The following GRAMD1A variants were observed in gnomAD, a reference collection of about 807,000 sequenced individuals.
GRAMD1A encodes GRAM domain containing 1A.
GRAMD1A carries 50 observed loss-of-function variants against 92.0 expected under a neutral mutation model. That is an observed-to-expected ratio of 0.54 (90% CI 0.43 to 0.69). GRAMD1A has a LOEUF of 0.69. GRAMD1A is among the 30% of genes least tolerant of loss of function. The pLI, the probability that GRAMD1A is intolerant of heterozygous loss-of-function variation, is 0.00. For synonymous variants in GRAMD1A, 405 were observed against 403.6 expected (o/e 1.00, Z -0.04); for missense variants, 819 against 978.9 (o/e 0.84, Z 2.18).
chr19:35,023,174 T>G (rs2016195164), intron 17 of GRAMD1A, 62 bp from the exon 18 acceptor site: 1 of 1,154,678 alleles, frequency 8.7e-7, no homozygotes, highest in Non-Finnish European at 1.3e-6. Flanking sequence ...AAGATGTAGT[T>G]GTTTGGGGGT....
At chr19:35,008,518 C>T (rs972885050) in intron 1 of GRAMD1A, among the ~76,000 whole-genome samples, 1 of 151,094 alleles carries the variant, frequency 6.6e-6, no homozygotes, top group African/African-American at 2.4e-5. Flanking sequence ...AGGAAGACCC[C>T]GTCTCAAAAA....
In GRAMD1A at chr19:35,014,175, G is replaced by T. The variant is rs776009007; in HGVS notation, c.871-14G>T. On this transcript the variant is annotated splice_polypyrimidine_tract_variant and intron_variant, in intron 9 of 19. Coordinates refer to ENST00000317991, the MANE Select transcript of GRAMD1A (RefSeq NM_020895.5). ...ATGGAGGTGGCCAAGGCTGCATCGG[G>T]CCTTTCTCCACAGGCAGAGGAGGAC... The T allele has an allele frequency of 3.7e-6, 6 of 1,611,218 alleles. No individual in the cohort carries two copies. The highest frequency in any genetic ancestry group is 4.2e-6 in the Non-Finnish European group (5 of 1,178,678).
In GRAMD1A at chr19:35,009,925, T is replaced by C; in HGVS notation, c.278T>C (p.Phe93Ser). 2 of 1,613,210 alleles carry C rather than the reference T, an allele frequency of 1.2e-6. No individual in the cohort carries two copies. Among genetic ancestry groups the C allele is most frequent in the Non-Finnish European group, 1.7e-6 (2 of 1,179,204 alleles). Residue 93 changes from phenylalanine to serine, a missense_variant, in exon 4 of 20, where the codon TTC becomes TCC. Around this residue, in one of 3 missense-constraint regions of GRAMD1A, gnomAD observed 144 missense variants for 220.3 expected, o/e 0.65. Coordinates refer to ENST00000317991, the MANE Select transcript of GRAMD1A (RefSeq NM_020895.5). ...ACTTATAAGCAGCGTAATGAGGACT[T>C]CCGGAAACTGTTCAGCAAACTCCCC... ...SPTYKQRNED[F>S]RKLFSKLPEA...
chr19:35,003,678 G>T (rs1157502012), intron 1 of GRAMD1A, among the ~76,000 whole-genome samples: 1 of 152,216 alleles, frequency 6.6e-6, no homozygotes, highest in Admixed American at 6.5e-5. Flanking sequence ...TGGTCCTGCT[G>T]CTTAGGAGTC....
Position 35,021,719 on chromosome 19 carries a change from G to A in GRAMD1A, c.1608G>A (p.Leu536=). Residue 536 remains leucine, a synonymous_variant, in exon 15 of 20, where the codon CTG becomes CTA. Coordinates refer to ENST00000317991, the MANE Select transcript of GRAMD1A (RefSeq NM_020895.5). This position sits in a 1 kb window ranked among gnomAD's most constrained non-coding sequence, Gnocchi z 5.3. ...LERELAKAEK[L]SLEEGGKDAR... ...GAGAGCTCGCCAAGGCTGAGAAGCT[G>A]TCTCTGGAGGAAGGCGGGAAGGATG... is the stretch of plus-strand genomic sequence containing the variant. The A allele has an allele frequency of 6.2e-7, 1 of 1,614,052 alleles. No individual in the cohort carries two copies. Among genetic ancestry groups the A allele is most frequent in the Non-Finnish European group, 8.5e-7 (1 of 1,180,026 alleles).
intron 13 of GRAMD1A, among the ~76,000 whole-genome samples, chr19:35,020,199 C>T (rs2015948101): frequency 6.6e-6 from 1 of 152,098 alleles, no homozygotes; most frequent in African/African-American, 2.4e-5. Flanking sequence ...CAAGAGTAGC[C>T]TGGGTAACGT....
upstream of GRAMD1A, among the ~76,000 whole-genome samples, chr19:34,998,803 C>A (rs928452023): frequency 7.6e-6 from 1 of 131,110 alleles, no homozygotes; most frequent in African/African-American, 3.0e-5. Flanking sequence ...TAGGGCACGG[C>A]GATAGGGGGG....
intron 17 of GRAMD1A, 108 bp from the exon 18 acceptor site, chr19:35,023,128 C>G: frequency 2.0e-5 from 17 of 871,532 alleles, no homozygotes; most frequent in Non-Finnish European, 3.3e-5. Context: ...GAGCCTAATT[C>G]TCCTCCTCTG....
chr19:35,025,206 C>T (rs1484786265), intron 19 of GRAMD1A: 1 of 152,204 alleles, frequency 6.6e-6, no homozygotes, highest in African/African-American at 2.4e-5. Flanking sequence ...CTGGGCTGTT[C>T]TAGGTTTTAA....
Sources: gnomAD v4.1 joint callset for allele counts (sites outside exome capture counted in the v4.1 genomes callset) on GRCh38, gnomAD v4.1.1 for gene constraint, gnomAD v4.1.1 regional missense constraint, Gnocchi (gnomAD v3.1) non-coding constraint, MANE v1.5 for transcripts, NCBI Gene and HGNC (gene_info 2026-07-23, HGNC 2026-07-21) for gene names.